The following CACNA1A variants were observed in gnomAD, a reference collection of about 807,000 sequenced individuals.
CACNA1A encodes the protein voltage-dependent P/Q-type calcium channel subunit alpha-1A.
In CACNA1A, 57 loss-of-function variants were observed where a neutral mutation model predicts 262.4. That is an observed-to-expected ratio of 0.22 (90% CI 0.18 to 0.27). CACNA1A has a LOEUF of 0.27. CACNA1A is among the 10% of genes least tolerant of loss of function. CACNA1A has a pLI of 1.00. For synonymous variants in CACNA1A, 1,431 were observed against 1,419.3 expected, an observed-to-expected ratio of 1.01 and a Z score of -0.18; for missense variants, 2,526 against 3,562.8, an observed-to-expected ratio of 0.71 and a Z score of 7.41.
chr19:13,227,903 C>CTTTTTTTT (rs34218031), intron 36 of CACNA1A, among the ~76,000 whole-genome samples: 1 of 74,260 alleles, frequency 1.3e-5, no homozygotes, highest in Non-Finnish European at 2.3e-5. Context: ...TGTTCATTGC[C>CTTTTTTTT]TTTTTTTTTT....
intron 24 of CACNA1A, chr19:13,273,450 T>C (rs2057073261): frequency 6.6e-6 from 1 of 152,192 alleles, no homozygotes; most frequent in Non-Finnish European, 1.5e-5. Flanking sequence ...CAGCATTCTA[T>C]CAGATTTCTG....
chr19:13,243,346 A>G (rs931683375), intron 31 of CACNA1A, among the ~76,000 whole-genome samples: 5 of 152,140 alleles, frequency 3.3e-5, no homozygotes, highest in Non-Finnish European at 5.9e-5. Context: ...GCCGTAGGAC[A>G]TATCAAAGAA....
intron 3 of CACNA1A, among the ~76,000 whole-genome samples, chr19:13,380,253 C>T (rs1396248251): frequency 1.1e-5 from 1 of 94,246 alleles, no homozygotes; most frequent in Non-Finnish European, 2.1e-5. Context: ...CACTGCACTC[C>T]AGCCTGGTGA....
In CACNA1A at chr19:13,214,758, G is replaced by A; in HGVS notation, c.5732-150C>T. ...AGTTCCCCAACGGCCTGGCCCAGAG[G>A]AGGCCCTGGGCAGTGCTGCTGGAAT... On this transcript the variant is annotated intron_variant, in intron 38 of 46. Coordinates refer to ENST00000360228, the MANE Select transcript of CACNA1A (RefSeq NM_001127222.2). This position sits in a 1 kb window ranked among gnomAD's most constrained non-coding sequence, Gnocchi z 4.1. 1 of 653,612 alleles carries A rather than the reference G, an allele frequency of 1.5e-6. No individual in the cohort carries two copies. The highest frequency in any genetic ancestry group is 2.7e-6 in the Non-Finnish European group (1 of 369,050). 40.5% of individuals were successfully genotyped at this position (653,612 alleles called of 1,614,324 possible).
At chr19:13,476,720 A>C (rs577181704) in intron 1 of CACNA1A, among the ~76,000 whole-genome samples, 48 of 152,216 alleles carry the variant, frequency 3.2e-4, no homozygotes, top group African/African-American at 1.1e-3. Flanking sequence ...ACAATAAAAA[A>C]ATTCATTTTA....
chr19:13,212,504 G>A lies in CACNA1A; in HGVS notation c.6069C>T (p.Gly2023=), dbSNP rs773076084. Residue 2023 remains glycine (G), a synonymous_variant, in exon 42 of 47, where the codon GGC becomes GGT. Coordinates refer to ENST00000360228, the MANE Select transcript of CACNA1A (RefSeq NM_001127222.2). This position sits in a 1 kb window ranked among gnomAD's most constrained non-coding sequence, Gnocchi z 5.6. The part of the protein sequence containing the change: ...PGGALMAHES[G]LKESPSWVTQ... Reference sequence around the variant, plus strand: ...TCACCCAGGACGGGCTCTCCTTGAGGCCGCTTTCGTGAGCCATCCTGCATG... The same window carrying A: ...TCACCCAGGACGGGCTCTCCTTGAGACCGCTTTCGTGAGCCATCCTGCATG... 1.3e-6 allele frequency: 2 copies of A among 1,578,112 alleles called. No homozygotes were observed. Among genetic ancestry groups the A allele is most frequent in the South Asian group, 2.3e-5 (2 of 86,796 alleles).
intron 34 of CACNA1A, 76 bp from the exon 35 acceptor site, chr19:13,231,936 A>G (rs2144630344): frequency 6.7e-7 from 1 of 1,482,914 alleles, no homozygotes; most frequent in Non-Finnish European, 9.2e-7. Flanking sequence ...GAGGTGGAGC[A>G]CACACGTTGA....
At chr19:13,431,157 C>T (rs936045125) in intron 3 of CACNA1A, among the ~76,000 whole-genome samples, 7 of 151,862 alleles carry the variant, frequency 4.6e-5, no homozygotes, top group African/African-American at 1.7e-4. Context: ...CAGGTCCTGA[C>T]TCAGTGGCTC....
At position 13,324,355 on chromosome 19, in the gene CACNA1A, C is replaced by T. The variant is rs116240192; in HGVS notation, c.1345+5889G>A. The stretch of plus-strand genomic sequence containing the variant: ...TTGCATTGCATCGCATTTAGTGATG[C>T]ATTAATACATTATTGTGTATTTATA... On this transcript the variant is annotated intron_variant, in intron 10 of 46. Transcript: ENST00000360228. 3.5e-3 allele frequency among the ~76,000 whole-genome samples: 533 copies of T among 152,108 alleles called. 1 individual carries two copies. The highest frequency in any genetic ancestry group is 0.012 in the African/African-American group (492 of 41,468).
chr19:13,368,899 G>A (rs62111190), intron 4 of CACNA1A, among the ~76,000 whole-genome samples: 18,861 of 143,118 alleles, frequency 0.13, 3,204 homozygotes, highest in East Asian at 0.35. Context: ...TTAGCCGGGC[G>A]TGGTAGCGGG....
rs141952666 is a variant in CACNA1A at position 13,248,391 on chromosome 19, C to A, written c.4867-3126G>T. On this transcript the variant is annotated intron_variant, in intron 30 of 46. Transcript: ENST00000360228. The stretch of plus-strand genomic sequence containing the variant: ...ACGAGTTCAAGAACAGGCTGGGCAA[C>A]AGAGTAAGATCCCATCTCAAAAAAA... Among the ~76,000 whole-genome samples, 54 of 101,122 alleles carry A rather than the reference C, an allele frequency of 5.3e-4. 1 individual carries two copies. The highest frequency in any genetic ancestry group is 2.1e-3 in the African/African-American group (52 of 25,170). 66.3% of individuals were successfully genotyped at this position (101,122 alleles called of 152,430 possible).
In CACNA1A at chr19:13,227,454, A is replaced by C; in HGVS notation, c.5602T>G (p.Cys1868Gly). Residue 1868 changes from cysteine to glycine, a missense_variant, in exon 37 of 47, where the codon TGT becomes GGT. This residue lies in a region of CACNA1A where 112 missense variants were observed against 197.2 expected (regional missense o/e 0.57). Transcript: ENST00000360228. ...ACCTTGTAAGCCACTCTGGCCGGAC[A>C]CTTCTTCCCCAGACCCAGGGGCGGA... ...MSPPLGLGKK[C>G]PARVAYKRLL... 1 of 1,608,544 alleles carries C rather than the reference A, an allele frequency of 6.2e-7. No homozygotes were observed. The highest frequency in any genetic ancestry group is 8.5e-7 in the Non-Finnish European group (1 of 1,176,358).
intron 29 of CACNA1A, 145 bp from the exon 30 acceptor site, chr19:13,253,246 A>G (rs562499338): frequency 2.0e-6 from 1 of 504,812 alleles, no homozygotes; most frequent in Non-Finnish European, 3.6e-6. Context: ...GGCACAGTTC[A>G]GGAAAGCCCC....
At position 13,286,576 on chromosome 19, in the gene CACNA1A, G is replaced by A; in HGVS notation, c.3480C>T (p.Ala1160=). The A allele has an allele frequency of 6.5e-7, 1 of 1,549,680 alleles. No individual in the cohort carries two copies. The highest frequency in any genetic ancestry group is 8.7e-7 in the Non-Finnish European group (1 of 1,152,006). The change falls in exon 20 of 47, where the codon GCC becomes GCT. Residue 1160 remains alanine (A), a synonymous_variant. Coordinates refer to ENST00000360228, the MANE Select transcript of CACNA1A (RefSeq NM_001127222.2). ...SGTQTNSAKT[A]RKPDHTTVDI... ...CCACTGTGGTGTGGTCGGGTTTCCT[G>A]GCAGTCTTAGCTGAATTGGTCTGGG...
chr19:13,354,869 CTTTTTT>C (rs56350383), intron 6 of CACNA1A, among the ~76,000 whole-genome samples: 17 of 115,100 alleles, frequency 1.5e-4, no homozygotes, highest in African/African-American at 5.7e-4. Flanking sequence ...TTTTCTTTTT[CTTTTTT>C]TTTTTTTTTT....
Position 13,259,666 on chromosome 19 carries a change from T to C in CACNA1A, c.4286A>G (p.Lys1429Arg). Residue 1429 changes from lysine to arginine, a missense_variant, in exon 27 of 47, where the codon AAG (lysine) becomes AGG (arginine). Lys to Arg is a conservative substitution (Grantham distance 26). Around this residue, in one of 17 missense-constraint regions of CACNA1A, gnomAD observed 137 missense variants for 377.7 expected, o/e 0.36. Transcript: ENST00000360228. ...CTTCTTCCACTCCCGGTCTCGCGCC[T>C]TCACCTCATTCTTCTCGTAGAGGAG... ...KYLLYEKNEV[K>R]ARDREWKKYE... 6.2e-7 allele frequency: 1 copy of C among 1,611,244 alleles called. No homozygotes were observed.
intron 4 of CACNA1A, 102 bp downstream of exon 4, chr19:13,371,586 C>T: frequency 1.3e-6 from 1 of 796,976 alleles, no homozygotes; most frequent in Non-Finnish European, 2.1e-6. Flanking sequence ...CTCACACAGG[C>T]TGGTGGCAGG....
At chr19:13,348,869 G>A (rs2058845420) in intron 6 of CACNA1A, among the ~76,000 whole-genome samples, 1 of 151,948 alleles carries the variant, frequency 6.6e-6, no homozygotes, top group Non-Finnish European at 1.5e-5. Context: ...TTAGCTGGGT[G>A]TGGTGGCACG....
intron 1 of CACNA1A, among the ~76,000 whole-genome samples, chr19:13,504,809 C>G (rs1014340905): frequency 6.6e-6 from 1 of 152,144 alleles, no homozygotes; most frequent in Non-Finnish European, 1.5e-5. Context: ...CGACTAATTA[C>G]CCACCCTTGC....
Sources: allele counts gnomAD v4.1 joint callset (sites outside exome capture counted in the v4.1 genomes callset), GRCh38; gene constraint gnomAD v4.1.1; regional missense constraint gnomAD v4.1.1; non-coding constraint Gnocchi (gnomAD v3.1); transcripts MANE v1.5; gene names NCBI Gene and HGNC (gene_info 2026-07-23, HGNC 2026-07-21).